The following GMDS variants were observed in gnomAD, a reference collection of about 807,000 sequenced individuals.
The protein encoded by GMDS is GDP-mannose 4,6-dehydratase, also known as GDP-mannose 4,6 dehydratase.
Under a neutral mutation model 49.9 loss-of-function variants are expected in GMDS, and 20 were observed. The observed-to-expected ratio is 0.40, with a 90% CI of 0.28 to 0.58. The LOEUF is 0.58. Among genes scored for constraint, GMDS ranks in the 20% least tolerant of loss-of-function variants. GMDS has a pLI of 0.42. For synonymous variants in GMDS, 177 were observed against 178.6 expected (o/e 0.99, Z 0.07); for missense variants, 362 against 481.4 (o/e 0.75, Z 2.32).
At chr6:2,030,595 G>T (rs1768892413) in intron 4 of GMDS, among the ~76,000 whole-genome samples, 1 of 152,172 alleles carries the variant, frequency 6.6e-6, no homozygotes, top group Non-Finnish European at 1.5e-5. Context: ...GACCTCTGGG[G>T]ATGAATGACA....
At chr6:1,897,080 C>T (rs1031302416) in intron 7 of GMDS, among the ~76,000 whole-genome samples, 2 of 152,108 alleles carry the variant, frequency 1.3e-5, no homozygotes, top group South Asian at 2.1e-4. Context: ...ACAAGGGAGG[C>T]GAAGGCTGCT....
chr6:1,798,513 C>G (rs1769826023), intron 7 of GMDS, among the ~76,000 whole-genome samples: 1 of 152,146 alleles, frequency 6.6e-6, no homozygotes, highest in East Asian at 1.9e-4. Context: ...GGAAGAGCAT[C>G]CAGGCTTTCT....
At chr6:1,624,777 C>G (rs114465918) in intron 9 of GMDS, 13,896 of 502,094 alleles carry the variant, frequency 0.028, 301 homozygotes, top group Middle Eastern at 0.048. Flanking sequence ...GATCCACCCC[C>G]AGCTACCTCC....
intron 7 of GMDS, among the ~76,000 whole-genome samples, chr6:1,763,432 G>C (rs1768234055): frequency 6.6e-6 from 1 of 152,190 alleles, no homozygotes; most frequent in Non-Finnish European, 1.5e-5. Context: ...CTCCCCAAGA[G>C]TAAACCTACT....
chr6:2,229,408 C>CAA (rs1210456971), intron 1 of GMDS, among the ~76,000 whole-genome samples: 3,625 of 89,198 alleles, frequency 0.041, 156 homozygotes, highest in African/African-American at 0.09. Flanking sequence ...CCTGTTTCTA[C>CAA]AAAAAAAAAA....
chr6:1,973,857 A>C (rs1302655668), intron 4 of GMDS, among the ~76,000 whole-genome samples: 11 of 152,208 alleles, frequency 7.2e-5, no homozygotes, highest in African/African-American at 2.7e-4. Flanking sequence ...AGACGCCACA[A>C]CATGGCCTGT....
chr6:2,061,818 C>T (rs547858703), intron 4 of GMDS, among the ~76,000 whole-genome samples: 27 of 151,850 alleles, frequency 1.8e-4, no homozygotes, highest in African/African-American at 6.5e-4. Flanking sequence ...TTATTACAGC[C>T]CCAAATAAAA....
At chr6:1,663,699 C>T (rs1156766695) in intron 9 of GMDS, among the ~76,000 whole-genome samples, 1 of 152,168 alleles carries the variant, frequency 6.6e-6, no homozygotes, top group Non-Finnish European at 1.5e-5. Context: ...CATACACCTG[C>T]CACAGGGCCT....
chr6:1,937,396 G>C (rs181843902), intron 6 of GMDS, among the ~76,000 whole-genome samples: 90 of 152,314 alleles, frequency 5.9e-4, no homozygotes, highest in African/African-American at 2.1e-3. Context: ...TGAAAAACAA[G>C]TATAAATTAA....
At chr6:2,042,109 C>T (rs1040683711) in intron 4 of GMDS, among the ~76,000 whole-genome samples, 1 of 152,166 alleles carries the variant, frequency 6.6e-6, no homozygotes. Flanking sequence ...GACAAAATGA[C>T]ATATAATTTT....
At chr6:2,140,145 G>A (rs1017153884) in intron 1 of GMDS, among the ~76,000 whole-genome samples, 10 of 152,166 alleles carry the variant, frequency 6.6e-5, no homozygotes, top group Non-Finnish European at 1.0e-4. Context: ...ATGAAGTTAA[G>A]GACCTTGCGT....
chr6:2,183,092 A>G (rs1286233752), intron 1 of GMDS, among the ~76,000 whole-genome samples: 1 of 152,224 alleles, frequency 6.6e-6, no homozygotes, highest in African/African-American at 2.4e-5. Flanking sequence ...AAGGAGGTTA[A>G]TATGTTGTTT....
chr6:1,726,288 T>C (rs774004121), intron 9 of GMDS, 128 bp downstream of exon 9: 1 of 669,912 alleles, frequency 1.5e-6, no homozygotes, highest in East Asian at 2.5e-5. Context: ...ATTTTGGAAA[T>C]GCACGCTGAA....
intron 1 of GMDS, among the ~76,000 whole-genome samples, chr6:2,205,096 A>AC (rs1779742658): frequency 6.6e-6 from 1 of 152,224 alleles, no homozygotes; most frequent in South Asian, 2.1e-4. Flanking sequence ...AAACCCTTTA[A>AC]CAGAGTTTTT....
intron 7 of GMDS, among the ~76,000 whole-genome samples, chr6:1,910,898 A>G (rs1454441382): frequency 1.3e-5 from 2 of 152,218 alleles, no homozygotes; most frequent in East Asian, 1.9e-4. Context: ...ATTGCTATTA[A>G]AAAACTGGCA....
At chr6:1,738,342 A>G (rs569544061) in intron 8 of GMDS, among the ~76,000 whole-genome samples, 2 of 152,338 alleles carry the variant, frequency 1.3e-5, no homozygotes, top group East Asian at 3.9e-4. Context: ...GCTTCCCCGA[A>G]TATCTTCTAC....
At chr6:1,964,026 C>T (rs1462177130) in intron 4 of GMDS, among the ~76,000 whole-genome samples, 1 of 152,196 alleles carries the variant, frequency 6.6e-6, no homozygotes, top group Non-Finnish European at 1.5e-5. Context: ...AAGCAGGATT[C>T]AGCCACTCCC....
chr6:1,947,963 T>C (rs1320953919), intron 6 of GMDS, among the ~76,000 whole-genome samples: 2 of 152,238 alleles, frequency 1.3e-5, no homozygotes, highest in East Asian at 3.8e-4. Context: ...AATTTTAAGT[T>C]GCGAGGTGGC....
At chr6:1,695,106 G>A (rs990606408) in intron 9 of GMDS, among the ~76,000 whole-genome samples, 14 of 152,134 alleles carry the variant, frequency 9.2e-5, no homozygotes, top group African/African-American at 3.4e-4. Context: ...GAGGATAAAA[G>A]TGTGAGGACG....
Sources: allele counts gnomAD v4.1 joint callset (sites outside exome capture counted in the v4.1 genomes callset), GRCh38; gene constraint gnomAD v4.1.1; transcripts MANE v1.5; gene names NCBI Gene and HGNC (gene_info 2026-07-23, HGNC 2026-07-21).